The following NKAIN2 variants were observed in gnomAD, a reference collection of about 807,000 sequenced individuals.
NKAIN2 encodes sodium/potassium transporting ATPase interacting 2, also known as sodium/potassium-transporting ATPase subunit beta-1-interacting protein 2.
NKAIN2 carries 14 observed loss-of-function variants against 32.6 expected under a neutral mutation model. That is an observed-to-expected ratio of 0.43 (90% CI 0.28 to 0.67). NKAIN2 has a LOEUF of 0.67. Ranked by LOEUF, NKAIN2 falls within the 30% of genes least tolerant of loss-of-function variation. The pLI is 0.17. For missense variants in NKAIN2, 198 were observed against 258.3 expected (o/e 0.77, Z 1.60); for synonymous variants, 80 against 87.2 (o/e 0.92, Z 0.46).
chr6:124,023,708 A>C (rs925426009), intron 1 of NKAIN2, among the ~76,000 whole-genome samples: 1 of 152,198 alleles, frequency 6.6e-6, no homozygotes, highest in Non-Finnish European at 1.5e-5. Context: ...TACCTGTGCT[A>C]AAATACATCT....
At position 124,807,701 on chromosome 6, in the gene NKAIN2, G is replaced by A. The variant is rs534605034; in HGVS notation, c.536-10686G>A. Among the ~76,000 whole-genome samples the A allele has an allele frequency of 3.3e-5, 5 of 151,568 alleles. No individual in the cohort carries two copies. The South Asian group carries it at 1.1e-3, about 32-fold the overall frequency. On this transcript the variant is annotated intron_variant, in intron 5 of 6. Transcript: ENST00000368417. ...CTTCAAAAAATTAATGAATCCAGGAGCTGGTTTTTTGAAAGGATCAACAAA... is the reference window on the plus strand; with the variant it reads ...CTTCAAAAAATTAATGAATCCAGGAACTGGTTTTTTGAAAGGATCAACAAA...
chr6:124,630,626 A>C (rs1318114472), intron 3 of NKAIN2, among the ~76,000 whole-genome samples: 1 of 152,194 alleles, frequency 6.6e-6, no homozygotes, highest in Non-Finnish European at 1.5e-5. Context: ...GACTAAAAAA[A>C]AGTGATTGCT....
chr6:124,520,767 C>T lies in NKAIN2; in HGVS notation c.274-137419C>T, dbSNP rs533847618. Among the ~76,000 whole-genome samples, 35 of 152,200 alleles carry T rather than the reference C, an allele frequency of 2.3e-4. No individual in the cohort carries two copies. The South Asian group carries it at 6.6e-3, about 29-fold the overall frequency. On this transcript the variant is annotated intron_variant, in intron 3 of 6. Transcript: ENST00000368417. Reference sequence around the variant, plus strand: ...CTATGTGCTACAAATTTCTGTGACTCGATTATCATATTTCAACCCAGAGGA... The same window carrying T: ...CTATGTGCTACAAATTTCTGTGACTTGATTATCATATTTCAACCCAGAGGA...
rs1405738713 is a variant in NKAIN2 at position 124,277,980 on chromosome 6, GTTAAGTT to G, written c.55-5019_55-5013del. On this transcript the variant is annotated intron_variant, in intron 1 of 6. Coordinates refer to ENST00000368417, the MANE Select transcript of NKAIN2 (RefSeq NM_001040214.3). ...TTTATATTATTTGTTTCAATATCAG[GTTAAGTT>G]TTAAGGACATAAAAATAATATTATA... Among the ~76,000 whole-genome samples the G allele has an allele frequency of 1.1e-4, 16 of 151,384 alleles. No homozygotes were observed. In the South Asian group the frequency reaches 2.3e-3, roughly 22 times the overall value.
intron 1 of NKAIN2, among the ~76,000 whole-genome samples, chr6:124,210,066 G>A (rs901027583): frequency 3.3e-5 from 5 of 150,254 alleles, no homozygotes; most frequent in African/African-American, 1.2e-4. Context: ...TTTTTTCAGT[G>A]GTTTCATAGT....
At chr6:123,894,971 C>T (rs1045673832) in intron 1 of NKAIN2, among the ~76,000 whole-genome samples, 1 of 151,938 alleles carries the variant, frequency 6.6e-6, no homozygotes, top group Non-Finnish European at 1.5e-5. Flanking sequence ...AAATACAGAC[C>T]GGAAGTGGAT....
chr6:124,113,676 G>A (rs1785485656), intron 1 of NKAIN2, among the ~76,000 whole-genome samples: 1 of 150,562 alleles, frequency 6.6e-6, no homozygotes, highest in Non-Finnish European at 1.5e-5. Flanking sequence ...TGGGATCCAA[G>A]CCCTTACCTC....
intron 1 of NKAIN2, among the ~76,000 whole-genome samples, chr6:124,124,624 C>T (rs960828455): frequency 1.3e-5 from 2 of 152,142 alleles, no homozygotes. Context: ...GATCATTTCT[C>T]ACTTTGTGAA....
In NKAIN2 at chr6:124,708,195, A is replaced by T. The variant is rs1186905726; in HGVS notation, c.474+49809A>T. On this transcript the variant is annotated intron_variant, in intron 4 of 6. Transcript: ENST00000368417. ...CTGAGGGCTCTGTTCTGTTCCATTG[A>T]TCTATATCTCTGTTTTGGTACCAAT... Among the ~76,000 whole-genome samples the T allele has an allele frequency of 5.6e-5, 8 of 143,724 alleles. No homozygotes were observed. The East Asian group carries it at 1.6e-3, about 29-fold the overall frequency. The allele number at this position is 143,724 out of a possible 152,430, so 94.3% of individuals were successfully genotyped here.
chr6:124,283,084 T>C lies in NKAIN2; in HGVS notation c.134T>C (p.Ile45Thr), dbSNP rs774785013. The C allele has an allele frequency of 6.2e-7, 1 of 1,610,424 alleles. No homozygotes were observed. The highest frequency in any genetic ancestry group is 1.1e-5 in the South Asian group (1 of 90,996). ...ATCCTGGCAAATTTTGTACATATTA[T>C]TATCGTCATTCTTGGTTTGTTTGGA... ...APILANFVHI[I>T]IVILGLFGTI... is the part of the protein sequence containing the mutation. The change falls in exon 2 of 7, where the codon ATT becomes ACT. Residue 45 changes from isoleucine to threonine, a missense_variant. Coordinates refer to ENST00000368417, the MANE Select transcript of NKAIN2 (RefSeq NM_001040214.3).
chr6:124,313,198 T>G (rs984557895), intron 2 of NKAIN2, among the ~76,000 whole-genome samples: 2 of 152,126 alleles, frequency 1.3e-5, no homozygotes, highest in African/African-American at 2.4e-5. Context: ...TCAAGCAGGA[T>G]AGCAAATGTT....
chr6:123,851,399 G>A (rs577365459), intron 1 of NKAIN2, among the ~76,000 whole-genome samples: 34 of 151,734 alleles, frequency 2.2e-4, no homozygotes, highest in African/African-American at 5.3e-4. Context: ...ACAGGCATGC[G>A]CCACCATGCC....
At chr6:124,273,196 C>G (rs1249779778) in intron 1 of NKAIN2, among the ~76,000 whole-genome samples, 1 of 151,970 alleles carries the variant, frequency 6.6e-6, no homozygotes, top group African/African-American at 2.4e-5. Context: ...GTTTTGTGTC[C>G]CCACCCAAAT....
chr6:124,381,162 A>T (rs184007648), intron 3 of NKAIN2, among the ~76,000 whole-genome samples: 1 of 152,314 alleles, frequency 6.6e-6, no homozygotes, highest in East Asian at 1.9e-4. Context: ...TATAGACATT[A>T]TAGAGGTTTA....
intron 4 of NKAIN2, among the ~76,000 whole-genome samples, chr6:124,786,116 G>T (rs1187656453): frequency 3.9e-5 from 6 of 152,054 alleles, no homozygotes; most frequent in Middle Eastern, 3.2e-3. Context: ...GACAGCAAGG[G>T]TTTACTGGGG....
intron 1 of NKAIN2, among the ~76,000 whole-genome samples, chr6:124,084,296 C>G (rs1784101415): frequency 6.6e-6 from 1 of 151,866 alleles, no homozygotes; most frequent in African/African-American, 2.4e-5. Flanking sequence ...TAATGGTGGT[C>G]CCCTAAGATT....
At chr6:124,241,561 C>T (rs193075895) in intron 1 of NKAIN2, among the ~76,000 whole-genome samples, 126 of 152,218 alleles carry the variant, frequency 8.3e-4, no homozygotes, top group African/African-American at 2.9e-3. Context: ...ACCAGTGAAA[C>T]AGAACAGAGG....
intron 3 of NKAIN2, among the ~76,000 whole-genome samples, chr6:124,465,624 TAAAG>T (rs1341414600): frequency 1.1e-4 from 8 of 73,522 alleles, no homozygotes; most frequent in African/African-American, 4.4e-4. Flanking sequence ...GGACTTAAAG[TAAAG>T]TTAAAAAAAA....
chr6:124,230,301 T>C (rs1792381525), intron 1 of NKAIN2, among the ~76,000 whole-genome samples: 1 of 152,114 alleles, frequency 6.6e-6, no homozygotes, highest in Non-Finnish European at 1.5e-5. Flanking sequence ...ATTTAAGAAG[T>C]GACTTGGGTG....
Sources: allele counts gnomAD v4.1 joint callset (sites outside exome capture counted in the v4.1 genomes callset), GRCh38; gene constraint gnomAD v4.1.1; transcripts MANE v1.5; gene names NCBI Gene and HGNC (gene_info 2026-07-23, HGNC 2026-07-21).